The following BNC2 variants were observed in gnomAD, a reference collection of about 807,000 sequenced individuals.
The protein encoded by BNC2 is zinc finger protein basonuclin-2.
In BNC2, 20 loss-of-function variants were observed where a neutral mutation model predicts 76.3. The observed-to-expected ratio is 0.26, with a 90% CI of 0.18 to 0.38. BNC2 has a LOEUF of 0.38. BNC2 is among the 10% of genes least tolerant of loss of function. The probability of loss-of-function intolerance (pLI) is 1.00; values close to 1 mark genes in which losing one functional copy is unlikely to be tolerated. For synonymous variants in BNC2, 582 were observed against 514.8 expected (o/e 1.13, Z -1.77); for missense variants, 1,382 against 1,399.8 (o/e 0.99, Z 0.20).
At chr9:16,676,136 C>G (rs1015215054) in intron 3 of BNC2, among the ~76,000 whole-genome samples, 1 of 152,106 alleles carries the variant, frequency 6.6e-6, no homozygotes, top group Non-Finnish European at 1.5e-5. Flanking sequence ...ATTGAAAACA[C>G]AAATTGAGAT....
At chr9:16,455,793 C>CA (rs34195206) in intron 5 of BNC2, among the ~76,000 whole-genome samples, 63,592 of 141,424 alleles carry the variant, frequency 0.45, 14,614 homozygotes, top group East Asian at 0.68. Flanking sequence ...ACTCCATCTC[C>CA]AAAAAAAAAA....
Position 16,815,815 on chromosome 9 carries a change from G to A in BNC2, c.3+54831C>T, listed in dbSNP as rs1030248658. On this transcript the variant is annotated intron_variant, in intron 1 of 6. Coordinates refer to ENST00000380672, the MANE Select transcript of BNC2 (RefSeq NM_017637.6). ...TTAGTGGTTAGCAAAAACTGGTAAG[G>A]GGCATTATCTTTCAAGTAAGACAGA... 3.9e-5 allele frequency among the ~76,000 whole-genome samples: 6 copies of A among 152,216 alleles called. No individual in the cohort carries two copies. In the South Asian group the frequency reaches 6.2e-4, roughly 16 times the overall value.
At chr9:16,464,444 G>A (rs574107269) in intron 5 of BNC2, among the ~76,000 whole-genome samples, 1 of 152,184 alleles carries the variant, frequency 6.6e-6, no homozygotes, top group East Asian at 1.9e-4. Flanking sequence ...TTCAGCTGAG[G>A]TCATTCAGGA....
At chr9:16,482,691 G>A (rs1822083888) in intron 5 of BNC2, among the ~76,000 whole-genome samples, 1 of 152,088 alleles carries the variant, frequency 6.6e-6, no homozygotes, top group African/African-American at 2.4e-5. Flanking sequence ...AGGAATAACT[G>A]GGATCACAAG....
chr9:16,642,330 G>C (rs902316855), intron 3 of BNC2, among the ~76,000 whole-genome samples: 2 of 152,160 alleles, frequency 1.3e-5, no homozygotes, highest in African/African-American at 4.8e-5. Context: ...TACTGCAACA[G>C]CTTTTCATTC....
At position 16,586,761 on chromosome 9, in the gene BNC2, G is replaced by A. The variant is rs138269627; in HGVS notation, c.331-3676C>T. On this transcript the variant is annotated intron_variant, in intron 3 of 6. Coordinates refer to ENST00000380672, the MANE Select transcript of BNC2 (RefSeq NM_017637.6). The stretch of plus-strand genomic sequence containing the variant: ...AGCCAGGCACTGCCTCTTAAGTGGT[G>A]GGAAGTGGATGGCAGTGTCCCTGTG... Among the ~76,000 whole-genome samples the A allele has an allele frequency of 3.9e-5, 6 of 152,272 alleles. No individual in the cohort carries two copies. The South Asian group carries it at 6.2e-4, about 16-fold the overall frequency.
intron 3 of BNC2, among the ~76,000 whole-genome samples, chr9:16,663,130 C>CTGTTTACTCTTTTTTTTTTTTTT (rs1822160947): frequency 1.0e-5 from 1 of 99,618 alleles, no homozygotes; most frequent in Admixed American, 1.1e-4. Flanking sequence ...TCTGTTTACT[C>CTGTTTACTCTTTTTTTTTTTTTT]TTTTTTTTTT....
At chr9:16,743,692 A>G (rs974339000) in intron 1 of BNC2, among the ~76,000 whole-genome samples, 9 of 152,204 alleles carry the variant, frequency 5.9e-5, no homozygotes, top group African/African-American at 2.2e-4. Context: ...AGGCTGAGAT[A>G]CAGTTCTGAA....
intron 1 of BNC2, among the ~76,000 whole-genome samples, chr9:16,832,777 G>C (rs1169287032): frequency 6.6e-6 from 1 of 151,866 alleles, no homozygotes; most frequent in Non-Finnish European, 1.5e-5. Flanking sequence ...CCAGGCCGGA[G>C]TGCAGTGGCG....
chr9:16,758,662 A>G (rs1194643659), intron 1 of BNC2, among the ~76,000 whole-genome samples: 1 of 152,104 alleles, frequency 6.6e-6, no homozygotes, highest in Non-Finnish European at 1.5e-5. Context: ...ATATATATTC[A>G]CAAGTTCTTA....
chr9:16,735,071 G>T (rs2135081348), intron 2 of BNC2, among the ~76,000 whole-genome samples: 1 of 152,248 alleles, frequency 6.6e-6, no homozygotes, highest in Middle Eastern at 3.4e-3. Context: ...ATAATCCCTT[G>T]ATGCACTACA....
chr9:16,810,009 T>A (rs1009588084), intron 1 of BNC2, among the ~76,000 whole-genome samples: 1 of 152,146 alleles, frequency 6.6e-6, no homozygotes, highest in Non-Finnish European at 1.5e-5. Flanking sequence ...TCTAGGATGA[T>A]AAAATGCAAA....
intron 5 of BNC2, among the ~76,000 whole-genome samples, chr9:16,523,770 CA>C (rs1307227625): frequency 1.3e-5 from 2 of 151,734 alleles, no homozygotes; most frequent in Admixed American, 6.6e-5. Flanking sequence ...ACTAAAAATA[CA>C]AAAAATTAGC....
chr9:16,662,501 CA>C (rs1822138414), intron 3 of BNC2, among the ~76,000 whole-genome samples: 1 of 152,120 alleles, frequency 6.6e-6, no homozygotes, highest in Non-Finnish European at 1.5e-5. Context: ...TTTGGGAGAC[CA>C]AGGCAGGTGC....
Position 16,819,349 on chromosome 9 carries a change from A to C in BNC2, c.3+51297T>G, listed in dbSNP as rs563900563. 5.3e-5 allele frequency among the ~76,000 whole-genome samples: 8 copies of C among 152,334 alleles called. No individual in the cohort carries two copies. In the South Asian group the frequency reaches 6.2e-4, roughly 12 times the overall value. On this transcript the variant is annotated intron_variant, in intron 1 of 6. Coordinates refer to ENST00000380672, the MANE Select transcript of BNC2 (RefSeq NM_017637.6). ...TGATGCCCTAATGTCAGCAAGCATA[A>C]AAGGAATCATTAATAAGAAATATGC...
intron 3 of BNC2, among the ~76,000 whole-genome samples, chr9:16,639,542 A>G (rs1424646609): frequency 6.6e-6 from 1 of 152,082 alleles, no homozygotes; most frequent in Non-Finnish European, 1.5e-5. Flanking sequence ...TCTCATATCA[A>G]ATTTTTTTAT....
At chr9:16,507,018 G>T (rs1450022731) in intron 5 of BNC2, among the ~76,000 whole-genome samples, 2 of 151,686 alleles carry the variant, frequency 1.3e-5, no homozygotes, top group African/African-American at 2.4e-5. Context: ...CCTCCCAAAG[G>T]GCTGGGATTA....
chr9:16,678,581 C>G (rs966041345), intron 3 of BNC2, among the ~76,000 whole-genome samples: 8 of 151,616 alleles, frequency 5.3e-5, no homozygotes, highest in Non-Finnish European at 1.2e-4. Context: ...TGTTTTCTGA[C>G]AGAGGTATTA....
At chr9:16,433,025 C>T (rs762308277) in intron 6 of BNC2, among the ~76,000 whole-genome samples, 1 of 152,132 alleles carries the variant, frequency 6.6e-6, no homozygotes, top group Non-Finnish European at 1.5e-5. Flanking sequence ...AAGGCTAAAA[C>T]AGGAATACAA....
Sources: gnomAD v4.1 joint callset for allele counts (sites outside exome capture counted in the v4.1 genomes callset) on GRCh38, gnomAD v4.1.1 for gene constraint, MANE v1.5 for transcripts, NCBI Gene and HGNC (gene_info 2026-07-23, HGNC 2026-07-21) for gene names.